The following DOCK7 variants were observed in gnomAD, a reference collection of about 807,000 sequenced individuals.
The protein encoded by DOCK7 is dedicator of cytokinesis protein 7.
DOCK7 carries 138 observed loss-of-function variants against 271.0 expected under a neutral mutation model. The ratio of observed to expected loss-of-function variants is 0.51; its 90% CI spans 0.44 to 0.59. The LOEUF is 0.59. Ranked by LOEUF, DOCK7 falls within the 20% of genes least tolerant of loss-of-function variation. The probability of loss-of-function intolerance (pLI) is 0.00; values close to 1 mark genes in which losing one functional copy is unlikely to be tolerated. For missense variants in DOCK7, 2,066 were observed against 2,592.4 expected, an observed-to-expected ratio of 0.80 and a Z score of 4.41; for synonymous variants, 823 against 876.1, an observed-to-expected ratio of 0.94 and a Z score of 1.07.
At chr1:62,526,083 G>A (rs527762862) in intron 31 of DOCK7, among the ~76,000 whole-genome samples, 1 of 152,096 alleles carries the variant, frequency 6.6e-6, no homozygotes, top group East Asian at 1.9e-4. Context: ...ACTACAGTAG[G>A]CACATGCCAC....
intron 2 of DOCK7, among the ~76,000 whole-genome samples, chr1:62,660,485 T>C (rs1658536389): frequency 6.6e-6 from 1 of 152,176 alleles, no homozygotes; most frequent in Non-Finnish European, 1.5e-5. Flanking sequence ...ATAACAAGTG[T>C]GGACAACAAT....
intron 14 of DOCK7, chr1:62,605,933 T>A (rs1207203084): frequency 6.6e-6 from 1 of 152,030 alleles, no homozygotes; most frequent in African/African-American, 2.4e-5. Flanking sequence ...AAACTGCCAG[T>A]AAGAAATTTT....
chr1:62,539,898 A>T lies in DOCK7; in HGVS notation c.3046-6T>A. The T allele has an allele frequency of 3.2e-6, 5 of 1,551,648 alleles. No homozygotes were observed. Among genetic ancestry groups the T allele is most frequent in the Non-Finnish European group, 4.4e-6 (5 of 1,146,590 alleles). ...TGGTGCACCATGCTCTTTACCTGAA[A>T]AAAAGATATAAATTATTAATTTCCT... On this transcript the variant is annotated splice_region_variant and splice_polypyrimidine_tract_variant and intron_variant, in intron 25 of 49. Coordinates refer to ENST00000635253, the MANE Select transcript of DOCK7 (RefSeq NM_001367561.1).
intron 18 of DOCK7, among the ~76,000 whole-genome samples, chr1:62,566,633 T>C (rs1350115722): frequency 1.3e-5 from 2 of 152,176 alleles, no homozygotes; most frequent in Admixed American, 6.5e-5. Context: ...GACATAGGCA[T>C]GAGCAAACAC....
intron 48 of DOCK7, 118 bp from the exon 49 acceptor site, chr1:62,457,823 C>CT (rs751748978): frequency 2.1e-5 from 20 of 954,040 alleles, no homozygotes; most frequent in Non-Finnish European, 2.4e-5. Context: ...ACAACACAGA[C>CT]TATATATGTG....
chr1:62,625,535 T>G (rs1279457886), intron 11 of DOCK7, 134 bp from the exon 12 acceptor site: 2 of 879,272 alleles, frequency 2.3e-6, no homozygotes, highest in South Asian at 2.1e-5. Flanking sequence ...TAGGAGAATT[T>G]TGCTTTTGGA....
At chr1:62,496,719 T>C (rs1306569756) in intron 37 of DOCK7, among the ~76,000 whole-genome samples, 1 of 152,162 alleles carries the variant, frequency 6.6e-6, no homozygotes, top group Non-Finnish European at 1.5e-5. Context: ...TAAGAAGTCA[T>C]GTGTTAAGGG....
intron 48 of DOCK7, among the ~76,000 whole-genome samples, chr1:62,462,119 A>G (rs1237620632): frequency 6.6e-6 from 1 of 151,988 alleles, no homozygotes. Flanking sequence ...ATACTAAAGA[A>G]TAAATTTTAA....
intron 14 of DOCK7, among the ~76,000 whole-genome samples, chr1:62,600,839 T>A (rs141728177): frequency 4.6e-5 from 7 of 151,972 alleles, no homozygotes; most frequent in African/African-American, 1.7e-4. Flanking sequence ...TGCTCTGTTT[T>A]CCGACCAATG....
At chr1:62,672,785 G>A (rs1181375735) in intron 1 of DOCK7, among the ~76,000 whole-genome samples, 1 of 152,068 alleles carries the variant, frequency 6.6e-6, no homozygotes, top group African/African-American at 2.4e-5. Flanking sequence ...GTTTATGAAA[G>A]GTAGAGGCAG....
In DOCK7 at chr1:62,529,530, T is replaced by C. The variant is rs891942896; in HGVS notation, c.3612-84A>G. On this transcript the variant is annotated intron_variant, in intron 29 of 49. Transcript: ENST00000635253. ...CATCTTTAAAACAAACAGTAAGTCA[T>C]GGTATTGAATAAATTTTGTTCAATT... 5 of 1,060,814 alleles carry C rather than the reference T, an allele frequency of 4.7e-6. No homozygotes were observed. In the Admixed American group the frequency reaches 9.0e-5, roughly 19 times the overall value. 65.7% of individuals were successfully genotyped at this position (1,060,814 alleles called of 1,614,324 possible).
intron 34 of DOCK7, among the ~76,000 whole-genome samples, chr1:62,509,312 C>A (rs1160299590): frequency 0.015 from 1,727 of 112,616 alleles, no homozygotes; most frequent in Non-Finnish European, 0.017. Context: ...GATCTTGTCT[C>A]AAAAAAAAAA....
rs74348401 is a variant in DOCK7, at chr1:62,642,030, G to A, written c.819-5427C>T. On this transcript the variant is annotated intron_variant, in intron 7 of 49. Transcript: ENST00000635253. ...CAATCCGATAATCTGTCTCTTAAAT[G>A]GATAGTTTAGTCCATTTATACTTAT... Among the ~76,000 whole-genome samples the A allele has an allele frequency of 7.7e-3, 1,159 of 151,058 alleles. 23 individuals carry two copies. Among genetic ancestry groups the A allele is most frequent in the African/African-American group, 0.026 (1,068 of 41,146 alleles).
chr1:62,495,210 A>G, intron 39 of DOCK7: 1 of 154,974 alleles, frequency 6.5e-6, no homozygotes. Context: ...CAATAAGTAC[A>G]TTTGCATTGT....
rs1338408123 is a variant in DOCK7, at chr1:62,618,974, A to G, written c.1520-106T>C. 6.9e-6 allele frequency: 7 copies of G among 1,014,790 alleles called. No homozygotes were observed. The Admixed American group carries it at 1.7e-4, about 24-fold the overall frequency. 62.9% of individuals were successfully genotyped at this position (1,014,790 alleles called of 1,614,324 possible). On this transcript the variant is annotated intron_variant, in intron 13 of 49. Coordinates refer to ENST00000635253, the MANE Select transcript of DOCK7 (RefSeq NM_001367561.1). ...TATTTTTGCAAGAAGTCTGGGAAGA[A>G]TATTACAGAAACCAAATTTATATTA...
chr1:62,492,718 C>G lies in DOCK7; in HGVS notation c.5347G>C (p.Ala1783Pro). 1 of 1,614,000 alleles carries G rather than the reference C, an allele frequency of 6.2e-7. No homozygotes were observed. Among genetic ancestry groups the G allele is most frequent in the Non-Finnish European group, 8.5e-7 (1 of 1,179,942 alleles). ...GAGTCATCTACCATAGAGAAGGAAGCAGCTGCTTGTTCCAGTAATCCCACA... is the reference window on the plus strand; with the variant it reads ...GAGTCATCTACCATAGAGAAGGAAGGAGCTGCTTGTTCCAGTAATCCCACA... ...GLVGLLEQAA[A>P]SFSMAGMYEA... Residue 1783 changes from alanine (A) to proline (P), a missense_variant, in exon 41 of 50, where the codon GCT (alanine) becomes CCT (proline). Transcript: ENST00000635253.
At chr1:62,597,954 G>GA in intron 14 of DOCK7, 2 of 1,551,748 alleles carry the variant, frequency 1.3e-6, no homozygotes, top group South Asian at 1.3e-5. Flanking sequence ...CCTCCTAGAA[G>GA]AAAAAATTCT....
chr1:62,511,052 T>C (rs773191284), intron 33 of DOCK7: 3 of 157,940 alleles, frequency 1.9e-5, no homozygotes, highest in Non-Finnish European at 2.8e-5. Context: ...ATACTCTGAC[T>C]ACGCTTCTGA....
At position 62,645,689 on chromosome 1, in the gene DOCK7, G is replaced by A. The variant is rs1424292463; in HGVS notation, c.818+2002C>T. 2.0e-5 allele frequency among the ~76,000 whole-genome samples: 3 copies of A among 152,274 alleles called. No individual in the cohort carries two copies. In the East Asian group the frequency reaches 5.8e-4, roughly 29 times the overall value. Reference sequence around the variant, plus strand: ...AACTGGGTGAATTCACTGGTGAACTGTACACTGAATATACACTGAGTGAAC... The same window carrying A: ...AACTGGGTGAATTCACTGGTGAACTATACACTGAATATACACTGAGTGAAC... On this transcript the variant is annotated intron_variant, in intron 7 of 49. Coordinates refer to ENST00000635253, the MANE Select transcript of DOCK7 (RefSeq NM_001367561.1).
Sources: gnomAD v4.1 joint callset for allele counts (sites outside exome capture counted in the v4.1 genomes callset) on GRCh38, gnomAD v4.1.1 for gene constraint, MANE v1.5 for transcripts, NCBI Gene and HGNC (gene_info 2026-07-23, HGNC 2026-07-21) for gene names.